CKAP5: variants seen among roughly 807,000 people sequenced by gnomAD.
CKAP5 encodes cytoskeleton associated protein 5.
CKAP5 carries 27 observed loss-of-function variants against 232.8 expected under a neutral mutation model. The ratio of observed to expected loss-of-function variants is 0.12; its 90% CI spans 0.09 to 0.16. The LOEUF (loss-of-function observed/expected upper bound fraction) is 0.16, where lower values mean the gene tolerates loss of function less well. CKAP5 is among the 10% of genes least tolerant of loss of function. The pLI, the probability that CKAP5 is intolerant of heterozygous loss-of-function variation, is 1.00. For synonymous variants in CKAP5, 785 were observed against 841.1 expected (o/e 0.93, Z 1.16); for missense variants, 1,838 against 2,424.7 (o/e 0.76, Z 5.08).
Position 46,801,249 on chromosome 11 carries a change from G to T in CKAP5, c.1034C>A (p.Thr345Asn), listed in dbSNP as rs751902315. ...CTTCCTTAGCCCAACAGCCAGGCCA[G>T]TAAGACATTTTGCTGCCAAAGCCAC... Reference protein sequence around the residue: ...MLVALAAKCLTGLAVGLRKKF... With the variant: ...MLVALAAKCLNGLAVGLRKKF... Residue 345 changes from threonine (T) to asparagine (N), a missense_variant, in exon 9 of 44, where the codon ACT becomes AAT. Thr to Asn is a moderately conservative substitution (Grantham distance 65). This residue lies in a region of CKAP5 where 97 missense variants were observed against 167.7 expected (regional missense o/e 0.58). Coordinates refer to ENST00000529230, the MANE Select transcript of CKAP5 (RefSeq NM_001008938.4). 5.0e-6 allele frequency: 8 copies of T among 1,613,872 alleles called. No individual in the cohort carries two copies. Among genetic ancestry groups the T allele is most frequent in the Middle Eastern group, 3.3e-4 (2 of 6,060 alleles).
chr11:46,828,463 T>C (rs1377927387), intron 1 of CKAP5, among the ~76,000 whole-genome samples: 1 of 152,216 alleles, frequency 6.6e-6, no homozygotes, highest in African/African-American at 2.4e-5. Context: ...GATCAGCCTT[T>C]CTCATCAGAT....
At position 46,816,347 on chromosome 11, in the gene CKAP5, A is replaced by T. The variant is rs1297973474; in HGVS notation, c.309T>A (p.Ala103=). Residue 103 remains alanine (A), a synonymous_variant, in exon 4 of 44, where the codon GCT becomes GCA. Transcript: ENST00000529230. ...TCTCTATGCCCAGCTCCTTGGCTTT[A>T]GCTTTAGGTTGATTGAACACCTTAC... ...VVSKVFNQPK[A]KAKELGIEIC... 20 of 1,614,070 alleles carry T rather than the reference A, an allele frequency of 1.2e-5. No homozygotes were observed. Among genetic ancestry groups the T allele is most frequent in the Non-Finnish European group, 1.6e-5 (19 of 1,180,018 alleles).
chr11:46,808,550 GTAA>G (rs1221094336), intron 7 of CKAP5, among the ~76,000 whole-genome samples: 2 of 151,956 alleles, frequency 1.3e-5, no homozygotes, highest in Admixed American at 6.6e-5. Flanking sequence ...CAAAAAAATA[GTAA>G]TAATAATAAA....
rs980717595 is a variant in CKAP5 at position 46,759,176 on chromosome 11, A to G, written c.4568+93T>C. 1.1e-5 allele frequency: 17 copies of G among 1,515,902 alleles called. No homozygotes were observed. In the Admixed American group the frequency reaches 1.5e-4, roughly 14 times the overall value. 93.9% of individuals were successfully genotyped at this position (1,515,902 alleles called of 1,614,324 possible). A position where few individuals can be genotyped will look rare whatever the true frequency, so the allele number is the denominator to read the frequency against. ...TCATTCAAAAAATAATCAGTTCTAA[A>G]AAGTTTTAACTGCACATTACAAAGG... is the stretch of plus-strand genomic sequence containing the variant. On this transcript the variant is annotated intron_variant, in intron 34 of 43. Transcript: ENST00000529230.
At chr11:46,791,072 GACAGA>G (rs1296996221) in intron 13 of CKAP5, among the ~76,000 whole-genome samples, 4 of 152,136 alleles carry the variant, frequency 2.6e-5, no homozygotes, top group Non-Finnish European at 5.9e-5. Flanking sequence ...TTCAAGGTCA[GACAGA>G]AGCCCTGAAG....
rs569396244 is a variant in CKAP5, at chr11:46,744,585, G to C, written c.5705-8C>G. 7.4e-6 allele frequency: 12 copies of C among 1,611,364 alleles called. No homozygotes were observed. The East Asian group carries it at 2.5e-4, about 33-fold the overall frequency. The stretch of plus-strand genomic sequence containing the variant: ...CCATCTGAGGGGAGATGCCTAGAGG[G>C]GAAAAAGTAGAAAGAATATTCAGAT... On this transcript the variant is annotated splice_region_variant and splice_polypyrimidine_tract_variant and intron_variant, in intron 42 of 43. Transcript: ENST00000529230.
In CKAP5 at chr11:46,763,649, G is replaced by A. The variant is rs1485277208; in HGVS notation, c.3538-19C>T. 3 of 1,518,518 alleles carry A rather than the reference G, an allele frequency of 2.0e-6. No individual in the cohort carries two copies. The South Asian group carries it at 3.9e-5, about 20-fold the overall frequency. 94.1% of individuals were successfully genotyped at this position (1,518,518 alleles called of 1,614,324 possible). ...TTAGCACCTGGAAAAAACAAACGGT[G>A]AAAAGGGGCTACAGGGTGTTCAACT... On this transcript the variant is annotated intron_variant, in intron 28 of 43. Coordinates refer to ENST00000529230, the MANE Select transcript of CKAP5 (RefSeq NM_001008938.4).
intron 42 of CKAP5, among the ~76,000 whole-genome samples, chr11:46,749,046 A>C (rs59533428): frequency 6.6e-6 from 1 of 150,870 alleles, no homozygotes; most frequent in African/African-American, 2.4e-5. Flanking sequence ...TGGCCAGGCT[A>C]GTCTTGAACT....
chr11:46,813,385 T>C (rs1326625005), intron 4 of CKAP5, among the ~76,000 whole-genome samples: 1 of 152,096 alleles, frequency 6.6e-6, no homozygotes, highest in African/African-American at 2.4e-5. Flanking sequence ...GAATCTTTTT[T>C]CTCTATCCTG....
intron 9 of CKAP5, among the ~76,000 whole-genome samples, chr11:46,798,418 A>G (rs1938943770): frequency 6.6e-6 from 1 of 151,960 alleles, no homozygotes; most frequent in Admixed American, 6.6e-5. Flanking sequence ...CTACTAAAAC[A>G]AACAAAAAAA....
rs545546736 is a variant in CKAP5 at position 46,784,660 on chromosome 11, T to C, written c.1982A>G (p.Lys661Arg). 6.2e-7 allele frequency: 1 copy of C among 1,613,510 alleles called. No individual in the cohort carries two copies. The highest frequency in any genetic ancestry group is 1.1e-5 in the South Asian group (1 of 91,014). ...KETNFQVMQM[K>R]LHIVALIAQK... ...GGCAATCAAAGCAACTATATGAAGC[T>C]TCATTTGCATCACCTGAACAAGGAT... Residue 661 changes from lysine (K) to arginine (R), a missense_variant, in exon 17 of 44, where the codon AAG becomes AGG. Around this residue, in one of 6 missense-constraint regions of CKAP5, gnomAD observed 767 missense variants for 954.6 expected, o/e 0.80. Coordinates refer to ENST00000529230, the MANE Select transcript of CKAP5 (RefSeq NM_001008938.4).
chr11:46,810,828 GATA>G (rs1455118624), intron 5 of CKAP5, among the ~76,000 whole-genome samples, 176 bp downstream of exon 5: 1 of 152,304 alleles, frequency 6.6e-6, no homozygotes, highest in East Asian at 1.9e-4. Flanking sequence ...ACTTCACACA[GATA>G]ATAAGTTCTG....
intron 24 of CKAP5, among the ~76,000 whole-genome samples, chr11:46,775,562 G>A (rs1484376230): frequency 2.0e-5 from 3 of 152,072 alleles, no homozygotes; most frequent in African/African-American, 7.2e-5. Context: ...GCAAAGACTC[G>A]GAACCAACCC....
rs373227919 is a variant in CKAP5, at chr11:46,834,419, T to C, written c.-38+11801A>G. Among the ~76,000 whole-genome samples the C allele has an allele frequency of 3.4e-5, 5 of 148,390 alleles. No individual in the cohort carries two copies. In the East Asian group the frequency reaches 6.0e-4, roughly 18 times the overall value. On this transcript the variant is annotated intron_variant, in intron 1 of 43. Transcript: ENST00000529230. ...CTGCAGTCCCAGCTACTGAGAAGAC[T>C]GAGGCAGGAGAAACGCTTGAACCTG...
At chr11:46,819,506 G>A (rs1189412737) in intron 2 of CKAP5, among the ~76,000 whole-genome samples, 1 of 152,078 alleles carries the variant, frequency 6.6e-6, no homozygotes, top group South Asian at 2.1e-4. Context: ...TGGGATGATC[G>A]AATTTGCATT....
In CKAP5 at chr11:46,788,773, C is replaced by A; in HGVS notation, c.1876G>T (p.Ala626Ser). ...RLACMEEFQK[A>S]VELMDRTEMP... ...TCAGTTCGGTCCATTAGCTCAACAG[C>A]CTTGAAGTAAAATAAGAGAATAAGA... The change falls in exon 16 of 44, where the codon GCT (alanine) becomes TCT (serine). Residue 626 changes from alanine (A) to serine (S), a missense_variant and splice_region_variant. By Grantham distance (99) the Ala-to-Ser change is moderately conservative (BLOSUM62 1). This residue lies in a region of CKAP5 where 767 missense variants were observed against 954.6 expected (regional missense o/e 0.80). Transcript: ENST00000529230. 6.3e-7 allele frequency: 1 copy of A among 1,598,080 alleles called. No homozygotes were observed. Among genetic ancestry groups the A allele is most frequent in the Non-Finnish European group, 8.5e-7 (1 of 1,171,486 alleles).
In CKAP5 at chr11:46,759,018, C is replaced by T. The variant is rs759656247; in HGVS notation, c.4594G>A (p.Asp1532Asn). Residue 1532 changes from aspartate (D) to asparagine (N), a missense_variant, in exon 35 of 44, where the codon GAT (aspartate) becomes AAT (asparagine). Physicochemically the swap from Asp to Asn is conservative, Grantham distance 23 (BLOSUM62 1). This residue lies in a region of CKAP5 where 579 missense variants were observed against 843.2 expected (regional missense o/e 0.69). Coordinates refer to ENST00000529230, the MANE Select transcript of CKAP5 (RefSeq NM_001008938.4). Reference sequence around the variant, plus strand: ...GATGCTGTATTACTGTGCATGTCATCGAAGTGTGGAGAAACAGCCCGGATC... The same window carrying T: ...GATGCTGTATTACTGTGCATGTCATTGAAGTGTGGAGAAACAGCCCGGATC... ...PKIRAVSPHF[D>N]DMHSNTASTI... 118 of 1,612,922 alleles carry T rather than the reference C, an allele frequency of 7.3e-5. No individual in the cohort carries two copies. In the South Asian group the frequency reaches 1.2e-3, roughly 16 times the overall value.
intron 1 of CKAP5, among the ~76,000 whole-genome samples, chr11:46,838,136 G>C (rs967874308): frequency 1.3e-5 from 2 of 152,132 alleles, no homozygotes; most frequent in African/African-American, 4.8e-5. Flanking sequence ...CCCAAAACCT[G>C]TAACTCCAGT....
In CKAP5 at chr11:46,777,492, G is replaced by C. The variant is rs1436156859; in HGVS notation, c.2809C>G (p.Gln937Glu). 1 of 1,613,876 alleles carries C rather than the reference G, an allele frequency of 6.2e-7. No homozygotes were observed. The highest frequency in any genetic ancestry group is 1.1e-5 in the South Asian group (1 of 91,072). ...LAVAMGPNIK[Q>E]HVKNLGIPII... ...GGGATGCCTAAATTTTTTACATGTT[G>C]CTTAATATTTGGGCCCATGGCTACT... is the stretch of plus-strand genomic sequence containing the variant. The change falls in exon 23 of 44, where the codon CAA becomes GAA. Residue 937 changes from glutamine to glutamate, a missense_variant. Gln to Glu is a conservative substitution (Grantham distance 29, BLOSUM62 2). Transcript: ENST00000529230.
Sources: allele counts gnomAD v4.1 joint callset (sites outside exome capture counted in the v4.1 genomes callset), GRCh38; gene constraint gnomAD v4.1.1; regional missense constraint gnomAD v4.1.1; transcripts MANE v1.5; gene names NCBI Gene and HGNC (gene_info 2026-07-23, HGNC 2026-07-21).